TAF2: variants seen among roughly 807,000 people sequenced by gnomAD.
TAF2 encodes the protein transcription initiation factor TFIID subunit 2.
In TAF2, 61 loss-of-function variants were observed where a neutral mutation model predicts 138.5. The observed-to-expected ratio is 0.44, with a 90% confidence interval of 0.36 to 0.54. The LOEUF (loss-of-function observed/expected upper bound fraction) is 0.54. Ranked by LOEUF, TAF2 falls within the 20% of genes least tolerant of loss-of-function variation. The pLI is 0.00. For synonymous variants in TAF2, 475 were observed against 469.9 expected (o/e 1.01, Z -0.14); for missense variants, 1,090 against 1,427.9 (o/e 0.76, Z 3.81).
intron 3 of TAF2, among the ~76,000 whole-genome samples, chr8:119,809,265 C>A (rs1824873539): frequency 6.6e-6 from 1 of 152,198 alleles, no homozygotes; most frequent in Non-Finnish European, 1.5e-5. Flanking sequence ...ATGAACCAGC[C>A]TCTCTTAGCT....
intron 16 of TAF2, 81 bp downstream of exon 16, chr8:119,783,300 A>G (rs1439055381): frequency 1.0e-5 from 16 of 1,527,550 alleles, no homozygotes; most frequent in Non-Finnish European, 1.8e-6. Context: ...AAATTTAAAG[A>G]CTAGGTGAAT....
rs999395469 is a variant in TAF2 at position 119,731,381 on chromosome 8, T to C, written c.*543A>G. Reference sequence around the variant, plus strand: ...AAAAGGAAAAATAACATATTCTTTGTTCATAAATTCTGATGCTTAGTTTCT... The same window carrying C: ...AAAAGGAAAAATAACATATTCTTTGCTCATAAATTCTGATGCTTAGTTTCT... On this transcript the variant is annotated 3_prime_UTR_variant, in exon 26 of 26. Coordinates refer to ENST00000378164, the MANE Select transcript of TAF2 (RefSeq NM_003184.4). The C allele has an allele frequency of 2.0e-5, 3 of 152,700 alleles. No individual in the cohort carries two copies. The highest frequency in any genetic ancestry group is 7.2e-5 in the African/African-American group (3 of 41,462). 9.5% of individuals were successfully genotyped at this position (152,700 alleles called of 1,614,324 possible). A position where few individuals can be genotyped will look rare whatever the true frequency, so the allele number is the denominator to read the frequency against.
chr8:119,774,387 C>A (rs1215264708), intron 18 of TAF2, among the ~76,000 whole-genome samples: 1 of 152,070 alleles, frequency 6.6e-6, no homozygotes, highest in Non-Finnish European at 1.5e-5. Flanking sequence ...TATTTACACA[C>A]AAAGACTATC....
Position 119,781,092 on chromosome 8 carries a change from T to C in TAF2, c.2214A>G (p.Thr738=), listed in dbSNP as rs28619538. 5.8e-3 allele frequency: 9,365 copies of C among 1,613,800 alleles called. 231 individuals are homozygous for C. The African/African-American group carries it at 0.07, about 12-fold the overall frequency. Residue 738 remains threonine (T), a synonymous_variant, in exon 17 of 26, where the codon ACA becomes ACG. Transcript: ENST00000378164. ...AGCTTTGAAAGCTCATAAAGTTGTTTGTTTTCACAATGTTTGGACAACTTT... is the reference window on the plus strand; with the variant it reads ...AGCTTTGAAAGCTCATAAAGTTGTTCGTTTTCACAATGTTTGGACAACTTT... The part of the protein sequence containing the change: ...CCKSCPNIVK[T]NNFMSFQSYF...
At chr8:119,781,027 TGA>T in intron 17 of TAF2, 24 bp downstream of exon 17, 1 of 1,601,104 alleles carries the variant, frequency 6.2e-7, no homozygotes, top group Non-Finnish European at 8.5e-7. Context: ...ATAAAAACCA[TGA>T]GAAAATTAGA....
rs146916967 is a variant in TAF2 at position 119,776,644 on chromosome 8, G to A, written c.2364+1375C>T. On this transcript the variant is annotated intron_variant, in intron 18 of 25. Coordinates refer to ENST00000378164, the MANE Select transcript of TAF2 (RefSeq NM_003184.4). ...ATGGAGCTTGCAGTGAGCCGAGATCGCGCCACTGCACTCCAGCCTGGGCGA... is the reference window on the plus strand; with the variant it reads ...ATGGAGCTTGCAGTGAGCCGAGATCACGCCACTGCACTCCAGCCTGGGCGA... 9.0e-3 allele frequency among the ~76,000 whole-genome samples: 1,370 copies of A among 151,912 alleles called. 19 individuals carry two copies. The highest frequency in any genetic ancestry group is 0.031 in the African/African-American group (1,302 of 41,418).
intron 3 of TAF2, among the ~76,000 whole-genome samples, chr8:119,817,692 T>C (rs372246767): frequency 1.3e-5 from 2 of 152,210 alleles, no homozygotes; most frequent in East Asian, 1.9e-4. Flanking sequence ...GTAAAAAAGA[T>C]GTACAGACAC....
At position 119,803,943 on chromosome 8, in the gene TAF2, A is replaced by G. The variant is rs1345582164; in HGVS notation, c.495T>C (p.Ser165=). ...PKGGLHFVVP[S]VEGSMAERGA... is the part of the protein sequence containing the mutation. ...CTCTCTCTGCCATACTTCCCTCTAC[A>G]CTGGGTACCACAAAATGAAGACCTC... is the stretch of plus-strand genomic sequence containing the variant. Residue 165 remains serine, a synonymous_variant, in exon 5 of 26, where the codon AGT becomes AGC. Coordinates refer to ENST00000378164, the MANE Select transcript of TAF2 (RefSeq NM_003184.4). The G allele has an allele frequency of 8.7e-6, 14 of 1,614,102 alleles. No individual in the cohort carries two copies. The highest frequency in any genetic ancestry group is 1.0e-5 in the Non-Finnish European group (12 of 1,179,992).
At chr8:119,776,478 C>T (rs1322367228) in intron 18 of TAF2, among the ~76,000 whole-genome samples, 5 of 148,666 alleles carry the variant, frequency 3.4e-5, no homozygotes, top group African/African-American at 1.0e-4. Flanking sequence ...GTCAGGAGAT[C>T]GAAACCATCC....
At chr8:119,820,205 A>T (rs763768304) in intron 2 of TAF2, among the ~76,000 whole-genome samples, 5 of 152,232 alleles carry the variant, frequency 3.3e-5, no homozygotes, top group Non-Finnish European at 7.3e-5. Context: ...AAAGACGAAC[A>T]GATGAAACAC....
chr8:119,747,184 A>C (rs920252120), intron 22 of TAF2, among the ~76,000 whole-genome samples: 1 of 152,066 alleles, frequency 6.6e-6, no homozygotes, highest in Non-Finnish European at 1.5e-5. Flanking sequence ...TTCTCTGTTC[A>C]TCGTGTCTGA....
chr8:119,807,253 G>C (rs570861212), intron 3 of TAF2, among the ~76,000 whole-genome samples: 82 of 152,294 alleles, frequency 5.4e-4, no homozygotes, highest in Non-Finnish European at 9.0e-4. Context: ...TGTCAGGAGA[G>C]ACTACTACAT....
chr8:119,821,023 G>C (rs1471948397), intron 2 of TAF2, among the ~76,000 whole-genome samples: 1 of 95,522 alleles, frequency 1.0e-5, no homozygotes, highest in African/African-American at 4.4e-5. Flanking sequence ...CAAAACAAAA[G>C]ATTAAAGAAG....
At chr8:119,792,725 C>T (rs545974940) in intron 10 of TAF2, among the ~76,000 whole-genome samples, 3 of 152,196 alleles carry the variant, frequency 2.0e-5, no homozygotes, top group African/African-American at 4.8e-5. Context: ...ATGGGATTAG[C>T]GCCCTCATAG....
In TAF2 at chr8:119,730,786, GTTAT is replaced by G. The variant is rs992444648; in HGVS notation, c.*1134_*1137del. The stretch of plus-strand genomic sequence containing the variant: ...AAAGACAGAATGATCAACTTAAAAA[GTTAT>G]TTATTAAACAAGTTAAACACAACTA... On this transcript the variant is annotated 3_prime_UTR_variant, in exon 26 of 26. Coordinates refer to ENST00000378164, the MANE Select transcript of TAF2 (RefSeq NM_003184.4). 1 of 152,066 alleles carries G rather than the reference GTTAT, an allele frequency of 6.6e-6. No homozygotes were observed. Among genetic ancestry groups the G allele is most frequent in the African/African-American group, 2.4e-5 (1 of 41,394 alleles). The allele number at this position is 152,066 out of a possible 1,614,324, so 9.4% of individuals were successfully genotyped here.
In TAF2 at chr8:119,781,780, C is replaced by T. The variant is rs527957149; in HGVS notation, c.2113-587G>A. Among the ~76,000 whole-genome samples, 105 of 152,198 alleles carry T rather than the reference C, an allele frequency of 6.9e-4. 1 individual carries two copies. Among genetic ancestry groups the T allele is most frequent in the African/African-American group, 2.2e-3 (93 of 41,550 alleles). ...ATGGCTCACTGCAACCTCTGCCTCC[C>T]GGGCTCCAGAGATTCTCCTGCCTCA... is the stretch of plus-strand genomic sequence containing the variant. On this transcript the variant is annotated intron_variant, in intron 16 of 25. Coordinates refer to ENST00000378164, the MANE Select transcript of TAF2 (RefSeq NM_003184.4).
chr8:119,829,722 G>A (rs778372090), intron 2 of TAF2, among the ~76,000 whole-genome samples: 6 of 151,988 alleles, frequency 3.9e-5, no homozygotes, highest in Non-Finnish European at 8.8e-5. Context: ...TGATTCCTCA[G>A]GGACAACACA....
chr8:119,826,112 G>C (rs912688882), intron 2 of TAF2, among the ~76,000 whole-genome samples: 1 of 151,980 alleles, frequency 6.6e-6, no homozygotes, highest in Non-Finnish European at 1.5e-5. Flanking sequence ...GGCCCGTTGC[G>C]GGGTGGGGGA....
At position 119,788,398 on chromosome 8, in the gene TAF2, G is replaced by A. The variant is rs376249137; in HGVS notation, c.1733C>T (p.Thr578Ile). 6.2e-6 allele frequency: 10 copies of A among 1,613,116 alleles called. No individual in the cohort carries two copies. Among genetic ancestry groups the A allele is most frequent in the African/African-American group, 1.3e-5 (1 of 74,776 alleles). Reference sequence around the variant, plus strand: ...AAGGCTGTTTTCTTCAATTTGCAGTGTATGATTGAAGGATCCATCTAACTC... The same window carrying A: ...AAGGCTGTTTTCTTCAATTTGCAGTATATGATTGAAGGATCCATCTAACTC... The part of the protein sequence containing the change: ...VQELDGSFNH[T>I]LQIEENSLKH... The change falls in exon 14 of 26, where the codon ACA becomes ATA. Residue 578 changes from threonine to isoleucine, a missense_variant. This residue lies in a region of TAF2 where 504 missense variants were observed against 680.9 expected (regional missense o/e 0.74). Transcript: ENST00000378164.
Sources: allele counts gnomAD v4.1 joint callset (sites outside exome capture counted in the v4.1 genomes callset), GRCh38; gene constraint gnomAD v4.1.1; regional missense constraint gnomAD v4.1.1; transcripts MANE v1.5; gene names NCBI Gene and HGNC (gene_info 2026-07-23, HGNC 2026-07-21).